SLCO4C1: variants seen among roughly 807,000 people sequenced by gnomAD.
SLCO4C1 encodes the protein solute carrier organic anion transporter family member 4C1, also known as organic anion transporter M1.
A neutral mutation model predicts 72.1 loss-of-function variants in SLCO4C1; 58 were observed. The observed-to-expected ratio is 0.80, with a 90% CI of 0.65 to 1.00. The LOEUF (loss-of-function observed/expected upper bound fraction) is 1.00, where lower values mean the gene tolerates loss of function less well. SLCO4C1 is among the 50% of genes least tolerant of loss of function. SLCO4C1 has a pLI of 0.00. For missense variants in SLCO4C1, 898 were observed against 857.9 expected (o/e 1.05, Z -0.58); for synonymous variants, 297 against 312.5 (o/e 0.95, Z 0.52).
rs1748445386 is a variant in SLCO4C1, at chr5:102,236,871, A to C, written c.2162T>G (p.Val721Gly). The change falls in exon 13 of 13, where the codon GTA (valine) becomes GGA (glycine). Residue 721 changes from valine (V) to glycine (G), a missense_variant. Physicochemically the swap from Val to Gly is moderately radical, Grantham distance 109. Coordinates refer to ENST00000310954, the MANE Select transcript of SLCO4C1 (RefSeq NM_180991.5). Reference protein sequence around the residue: ...VLAEQDLNKIVKEG With the variant: ...VLAEQDLNKIGKEG ...TCTTTTCCCATTTCACCCTTCTTTT[A>C]CTATTTTGTTGAGATCCTGTTCTGC... 3.1e-6 allele frequency: 5 copies of C among 1,611,150 alleles called. No individual in the cohort carries two copies. The Admixed American group carries it at 8.4e-5, about 27-fold the overall frequency.
chr5:102,243,126 G>A (rs867860865), intron 10 of SLCO4C1, among the ~76,000 whole-genome samples: 1 of 152,198 alleles, frequency 6.6e-6, no homozygotes, highest in South Asian at 2.1e-4. Flanking sequence ...CCTTTGCAAA[G>A]GGGAAAGAAG....
In SLCO4C1 at chr5:102,257,111, T is replaced by C; in HGVS notation, c.1469+4A>G. On this transcript the variant is annotated splice_donor_region_variant and intron_variant, in intron 8 of 12. Transcript: ENST00000310954. ...AATATCAAAAAGCACTGAATTGTATTTACCCATTATATGATTCAGATACAC... is the reference window on the plus strand; with the variant it reads ...AATATCAAAAAGCACTGAATTGTATCTACCCATTATATGATTCAGATACAC... 1 of 1,553,454 alleles carries C rather than the reference T, an allele frequency of 6.4e-7. No homozygotes were observed. The highest frequency in any genetic ancestry group is 1.2e-5 in the South Asian group (1 of 81,078).
At chr5:102,258,313 C>G (rs1489363044) in intron 6 of SLCO4C1, among the ~76,000 whole-genome samples, 2 of 152,116 alleles carry the variant, frequency 1.3e-5, no homozygotes, top group Non-Finnish European at 2.9e-5. Flanking sequence ...AATTCCTCAA[C>G]ATGGTGGTTA....
intron 3 of SLCO4C1, among the ~76,000 whole-genome samples, chr5:102,264,564 T>C (rs1749000052): frequency 1.3e-5 from 2 of 152,170 alleles, no homozygotes; most frequent in East Asian, 1.9e-4. Flanking sequence ...CAATGTGTAA[T>C]GATCAAATCG....
rs1561361816 is a variant in SLCO4C1, at chr5:102,234,949, C to G, written c.*1909G>C. On this transcript the variant is annotated 3_prime_UTR_variant, in exon 13 of 13. Transcript: ENST00000310954. ...TGGTTGCTATAAATTTCCTGCTTCT[C>G]AAATATCTGGATTTTTGGCTACCTA... 1 of 152,200 alleles carries G rather than the reference C, an allele frequency of 6.6e-6. No individual in the cohort carries two copies. The highest frequency in any genetic ancestry group is 2.1e-4 in the South Asian group (1 of 4,836). The allele number at this position is 152,200 out of a possible 1,614,324, so 9.4% of individuals were successfully genotyped here.
chr5:102,240,266 C>G lies in SLCO4C1; in HGVS notation c.1876+452G>C, dbSNP rs1748513637. Among the ~76,000 whole-genome samples, 3 of 152,048 alleles carry G rather than the reference C, an allele frequency of 2.0e-5. No individual in the cohort carries two copies. The South Asian group carries it at 6.2e-4, about 31-fold the overall frequency. On this transcript the variant is annotated intron_variant, in intron 11 of 12. Transcript: ENST00000310954. ...ATGTCTGTCTTTCTTGTAATTTGTC[C>G]TGTACCTGGAACTTTATAAAATTCT...
At chr5:102,262,964 TG>T (rs1182026162) in intron 4 of SLCO4C1, among the ~76,000 whole-genome samples, 3 of 151,984 alleles carry the variant, frequency 2.0e-5, no homozygotes, top group Non-Finnish European at 2.9e-5. Flanking sequence ...TTATTCCCAG[TG>T]GCAAAATGAA....
At chr5:102,284,368 T>C (rs539355838) in intron 2 of SLCO4C1, among the ~76,000 whole-genome samples, 221 of 152,324 alleles carry the variant, frequency 1.5e-3, no homozygotes, top group African/African-American at 5.1e-3. Flanking sequence ...TTCTAGGTGC[T>C]GATCATAATA....
intron 8 of SLCO4C1, among the ~76,000 whole-genome samples, chr5:102,256,680 G>A (rs1748841168): frequency 6.6e-6 from 1 of 152,308 alleles, no homozygotes; most frequent in South Asian, 2.1e-4. Context: ...GTAAGTATTA[G>A]CAAGGACTAG....
At chr5:102,261,343 C>T (rs1748939533) in intron 5 of SLCO4C1, among the ~76,000 whole-genome samples, 1 of 151,912 alleles carries the variant, frequency 6.6e-6, no homozygotes, top group Non-Finnish European at 1.5e-5. Context: ...ACTCGGGAGG[C>T]AGAGGTTGCA....
chr5:102,244,300 A>C (rs926250881), intron 10 of SLCO4C1, among the ~76,000 whole-genome samples: 1 of 152,230 alleles, frequency 6.6e-6, no homozygotes, highest in Non-Finnish European at 1.5e-5. Context: ...ATAAAGAATT[A>C]GTGAGACTGA....
In SLCO4C1 at chr5:102,236,934, G is replaced by A. The variant is rs150475844; in HGVS notation, c.2099C>T (p.Ser700Leu). 2.5e-6 allele frequency: 4 copies of A among 1,612,640 alleles called. No individual in the cohort carries two copies. In the East Asian group the frequency reaches 8.9e-5, roughly 36 times the overall value. Residue 700 changes from serine to leucine, a missense_variant, in exon 13 of 13, where the codon TCA becomes TTA. Physicochemically the swap from Ser to Leu is moderately radical, Grantham distance 145. Coordinates refer to ENST00000310954, the MANE Select transcript of SLCO4C1 (RefSeq NM_180991.5). ...YKPPPSATDV[S>L]FHKENAVVTN... is the part of the protein sequence containing the mutation. ...CACAACTGCATTCTCTTTATGAAATGACACATCTGTGGCTGATGGAGGTGG... is the reference window on the plus strand; with the variant it reads ...CACAACTGCATTCTCTTTATGAAATAACACATCTGTGGCTGATGGAGGTGG...
chr5:102,257,384 T>A, intron 7 of SLCO4C1, 74 bp from the exon 8 acceptor site: 5 of 1,190,046 alleles, frequency 4.2e-6, no homozygotes, highest in Non-Finnish European at 5.7e-6. Flanking sequence ...CTGGAAAACA[T>A]CAAAAACAAG....
chr5:102,282,070 G>A (rs1749367372), intron 2 of SLCO4C1, among the ~76,000 whole-genome samples: 1 of 151,994 alleles, frequency 6.6e-6, no homozygotes, highest in Non-Finnish European at 1.5e-5. Context: ...CTAATCAGCA[G>A]TAGAAAGAAC....
At chr5:102,262,230 C>G (rs559223459) in intron 4 of SLCO4C1, among the ~76,000 whole-genome samples, 197 bp from the exon 5 acceptor site, 156 of 152,148 alleles carry the variant, frequency 1.0e-3, no homozygotes, top group Admixed American at 1.8e-3. Flanking sequence ...TAATGGTTTA[C>G]AAAATGTTTA....
In SLCO4C1 at chr5:102,270,814, G is replaced by GAA. The variant is rs33922930; in HGVS notation, c.620-10_620-9dup. ...TTGTTGTTACACAAGTGTCTTTGTG[G>GAA]AAAAAAAAATTGTGAATTTATAGAA... On this transcript the variant is annotated splice_polypyrimidine_tract_variant and intron_variant, in intron 2 of 12. Coordinates refer to ENST00000310954, the MANE Select transcript of SLCO4C1 (RefSeq NM_180991.5). 1.3e-3 allele frequency: 1,891 copies of GAA among 1,433,534 alleles called. No individual in the cohort carries two copies. The highest frequency in any genetic ancestry group is 3.4e-3 in the South Asian group (233 of 69,110). 88.8% of individuals were successfully genotyped at this position (1,433,534 alleles called of 1,614,324 possible).
intron 5 of SLCO4C1, among the ~76,000 whole-genome samples, chr5:102,261,134 C>T (rs569227957): frequency 3.9e-5 from 6 of 152,020 alleles, no homozygotes; most frequent in Non-Finnish European, 8.8e-5. Context: ...GTATTCAAGC[C>T]GGATGTGGTG....
intron 2 of SLCO4C1, among the ~76,000 whole-genome samples, chr5:102,286,301 T>C (rs946383655): frequency 1.3e-5 from 2 of 152,166 alleles, no homozygotes; most frequent in Admixed American, 6.5e-5. Flanking sequence ...TTTACTAGGC[T>C]AAGTAACTAC....
At chr5:102,292,235 G>A (rs1208983222) in intron 1 of SLCO4C1, among the ~76,000 whole-genome samples, 1 of 152,122 alleles carries the variant, frequency 6.6e-6, no homozygotes, top group Non-Finnish European at 1.5e-5. Flanking sequence ...TTCTTTAAAT[G>A]ATGAAGTCAA....
Sources: gnomAD v4.1 joint callset for allele counts (sites outside exome capture counted in the v4.1 genomes callset) on GRCh38, gnomAD v4.1.1 for gene constraint, MANE v1.5 for transcripts, NCBI Gene and HGNC (gene_info 2026-07-23, HGNC 2026-07-21) for gene names.